The following RAC1 variants were observed in gnomAD, a reference collection of about 807,000 sequenced individuals.
RAC1 encodes the protein Rac family small GTPase 1.
RAC1 carries 2 observed loss-of-function variants against 25.2 expected under a neutral mutation model. The observed-to-expected ratio is 0.08, with a 90% CI of 0.03 to 0.25. The LOEUF (loss-of-function observed/expected upper bound fraction) is 0.25, where lower values mean the gene tolerates loss of function less well. Among genes scored for constraint, RAC1 ranks in the 10% least tolerant of loss-of-function variants. The pLI is 1.00. For missense variants in RAC1, 50 were observed against 235.7 expected, an observed-to-expected ratio of 0.21 and a Z score of 5.16; for synonymous variants, 88 against 94.0, an observed-to-expected ratio of 0.94 and a Z score of 0.37.
intron 3 of RAC1, among the ~76,000 whole-genome samples, chr7:6,399,245 G>T (rs1344423533): frequency 6.6e-6 from 1 of 152,194 alleles, no homozygotes; most frequent in African/African-American, 2.4e-5. Flanking sequence ...CTGTTGTGTG[G>T]GATGTTTCTT....
chr7:6,378,299 A>G (rs1248227442), intron 1 of RAC1, among the ~76,000 whole-genome samples: 1 of 152,118 alleles, frequency 6.6e-6, no homozygotes, highest in Admixed American at 6.6e-5. Flanking sequence ...TAATCTCAGC[A>G]CTTTGGGAGG....
chr7:6,395,578 G>A (rs1583267973), intron 3 of RAC1, among the ~76,000 whole-genome samples: 1 of 152,330 alleles, frequency 6.6e-6, no homozygotes, highest in East Asian at 1.9e-4. Context: ...TCACTACTTA[G>A]AAACGATTAT....
At chr7:6,377,904 T>G (rs1338044410) in intron 1 of RAC1, among the ~76,000 whole-genome samples, 1 of 152,014 alleles carries the variant, frequency 6.6e-6, no homozygotes, top group South Asian at 2.1e-4. Context: ...AACTGTCTTT[T>G]TTTGTTTGTT....
chr7:6,376,961 C>T (rs1782622040), intron 1 of RAC1, among the ~76,000 whole-genome samples: 1 of 151,970 alleles, frequency 6.6e-6, no homozygotes, highest in South Asian at 2.1e-4. Context: ...TGGACCGTCC[C>T]TTCAAATCCC....
chr7:6,400,391 G>C (rs1783363428), intron 4 of RAC1, among the ~76,000 whole-genome samples: 2 of 151,776 alleles, frequency 1.3e-5, no homozygotes, highest in Non-Finnish European at 2.9e-5. Flanking sequence ...TTGTAGTGGT[G>C]ACATCAGAGC....
chr7:6,380,953 C>A (rs1782745406), intron 1 of RAC1, among the ~76,000 whole-genome samples: 1 of 152,142 alleles, frequency 6.6e-6, no homozygotes, highest in African/African-American at 2.4e-5. Flanking sequence ...ACTGCAATCT[C>A]CGCATCCCAG....
chr7:6,390,615 A>G (rs1232935253), intron 2 of RAC1, among the ~76,000 whole-genome samples: 2 of 151,714 alleles, frequency 1.3e-5, no homozygotes, highest in Admixed American at 1.3e-4. Flanking sequence ...AAATAATAAT[A>G]ATAATGATAA....
Position 6,374,744 on chromosome 7 carries a change from C to T in RAC1, c.9C>T (p.Ala3=), listed in dbSNP as rs35917954. The change falls in exon 1 of 6, where the codon GCC becomes GCT. Residue 3 remains alanine, a synonymous_variant. Transcript: ENST00000348035. ...CCCAGCGAGCGGCCCTGATGCAGGC[C>T]ATCAAGTGTGTGGTGGTGGGAGACG... MQ[A]IKCVVVGDGA... is the part of the protein sequence containing the mutation. The T allele has an allele frequency of 1.5e-4, 170 of 1,148,358 alleles. No homozygotes were observed. The African/African-American group carries it at 2.4e-3, about 16-fold the overall frequency. The allele number at this position is 1,148,358 out of a possible 1,614,324, so 71.1% of individuals were successfully genotyped here.
intron 2 of RAC1, among the ~76,000 whole-genome samples, chr7:6,388,640 A>G (rs1314848919): frequency 1.3e-5 from 2 of 151,930 alleles, no homozygotes; most frequent in South Asian, 2.1e-4. Flanking sequence ...CACGGCACCC[A>G]TTTTTTACTG....
At chr7:6,375,044 C>T (rs1389601313) in intron 1 of RAC1, among the ~76,000 whole-genome samples, 3 of 151,252 alleles carry the variant, frequency 2.0e-5, no homozygotes, top group Non-Finnish European at 3.0e-5. Flanking sequence ...GCTTTCTTCC[C>T]GGACGCCGCC....
intron 2 of RAC1, among the ~76,000 whole-genome samples, chr7:6,390,373 G>T (rs934748396): frequency 6.6e-6 from 1 of 151,830 alleles, no homozygotes; most frequent in African/African-American, 2.4e-5. Context: ...AAGCTGAGGT[G>T]GGCGCATTAT....
At position 6,398,784 on chromosome 7, in the gene RAC1, C is replaced by T; in HGVS notation, c.226-1342C>T. On this transcript the variant is annotated intron_variant, in intron 3 of 5. Transcript: ENST00000348035. ...CTGTTCTCTCATTTCACTTCGTTTTCCTAGGATTTTTTATTAAGCCTCAAG... is the reference window on the plus strand; with the variant it reads ...CTGTTCTCTCATTTCACTTCGTTTTTCTAGGATTTTTTATTAAGCCTCAAG... 6 of 1,487,788 alleles carry T rather than the reference C, an allele frequency of 4.0e-6. 1 individual carries two copies. The South Asian group carries it at 4.7e-5, about 12-fold the overall frequency. The allele number at this position is 1,487,788 out of a possible 1,614,324, so 92.2% of individuals were successfully genotyped here.
At chr7:6,393,276 C>G (rs1264474900) in intron 3 of RAC1, among the ~76,000 whole-genome samples, 1 of 152,202 alleles carries the variant, frequency 6.6e-6, no homozygotes, top group Non-Finnish European at 1.5e-5. Flanking sequence ...AATTCAAATT[C>G]TTCAGTATCT....
chr7:6,379,654 C>T (rs190413806), intron 1 of RAC1, among the ~76,000 whole-genome samples: 6 of 152,358 alleles, frequency 3.9e-5, no homozygotes, highest in Admixed American at 3.3e-4. Flanking sequence ...AGGCGATCTG[C>T]CCGCCTTGGC....
At chr7:6,393,622 T>C (rs1268822369) in intron 3 of RAC1, among the ~76,000 whole-genome samples, 1 of 152,190 alleles carries the variant, frequency 6.6e-6, no homozygotes, top group Non-Finnish European at 1.5e-5. Context: ...GTTGTCCTCA[T>C]AGGGCTAGAA....
intron 1 of RAC1, among the ~76,000 whole-genome samples, chr7:6,383,201 T>C (rs182638705): frequency 2.9e-4 from 44 of 152,344 alleles, no homozygotes; most frequent in Non-Finnish European, 5.4e-4. Context: ...CAAATACGGC[T>C]TCCATTCTTC....
At chr7:6,379,144 A>G (rs895511200) in intron 1 of RAC1, among the ~76,000 whole-genome samples, 1 of 151,770 alleles carries the variant, frequency 6.6e-6, no homozygotes, top group Non-Finnish European at 1.5e-5. Flanking sequence ...AACAACTTTT[A>G]TTATTTATTT....
intron 1 of RAC1, among the ~76,000 whole-genome samples, chr7:6,376,410 C>T (rs1392224628): frequency 6.6e-6 from 1 of 151,664 alleles, no homozygotes; most frequent in East Asian, 1.9e-4. Flanking sequence ...TCTCGAATTC[C>T]TGACCTCAGG....
intron 1 of RAC1, among the ~76,000 whole-genome samples, chr7:6,383,733 A>T (rs1386369045): frequency 7.0e-6 from 1 of 142,170 alleles, no homozygotes; most frequent in African/African-American, 2.6e-5. Flanking sequence ...ATAGCAGCTT[A>T]TCCTTGACAC....
Sources: allele counts gnomAD v4.1 joint callset (sites outside exome capture counted in the v4.1 genomes callset), GRCh38; gene constraint gnomAD v4.1.1; transcripts MANE v1.5; gene names NCBI Gene and HGNC (gene_info 2026-07-23, HGNC 2026-07-21).